KRT6B: variants seen among roughly 807,000 people sequenced by gnomAD.
The protein encoded by KRT6B is keratin, type II cytoskeletal 6B.
KRT6B carries 29 observed loss-of-function variants against 44.7 expected under a neutral mutation model. The observed-to-expected ratio is 0.65, with a 90% CI of 0.48 to 0.88. The LOEUF (loss-of-function observed/expected upper bound fraction) is 0.88. KRT6B is among the 40% of genes least tolerant of loss of function. The pLI, the probability that KRT6B is intolerant of heterozygous loss-of-function variation, is 0.00. For missense variants in KRT6B, 600 were observed against 724.0 expected (o/e 0.83, Z 1.97); for synonymous variants, 213 against 296.0 (o/e 0.72, Z 2.88).
At chr12:52,449,945 G>A in intron 3 of KRT6B, 67 bp downstream of exon 3, 1 of 1,567,882 alleles carries the variant, frequency 6.4e-7, no homozygotes, top group Non-Finnish European at 8.7e-7. Flanking sequence ...CTCTCCCAGG[G>A]GAGCGAGGAC....
Position 52,448,870 on chromosome 12 carries a change from C to G in KRT6B, c.1175G>C (p.Arg392Thr). 4 of 1,614,110 alleles carry G rather than the reference C, an allele frequency of 2.5e-6. No individual in the cohort carries two copies. The highest frequency in any genetic ancestry group is 3.4e-6 in the Non-Finnish European group (4 of 1,180,024). The change falls in exon 6 of 9, where the codon AGA becomes ACA. Residue 392 changes from arginine to threonine, a missense_variant. By Grantham distance (71) the Arg-to-Thr change is moderately conservative (BLOSUM62 -1). Transcript: ENST00000252252. Reference sequence around the variant, plus strand: ...CTTCTTGACGTGGTCGATCTCAGATCTCAGCCTCTGGATCATGCGGTTGAT... The same window carrying G: ...CTTCTTGACGTGGTCGATCTCAGATGTCAGCCTCTGGATCATGCGGTTGAT... The part of the protein sequence containing the change: ...AEINRMIQRL[R>T]SEIDHVKKQC...
rs140188440 is a variant in KRT6B at position 52,447,319 on chromosome 12, G to C, written c.1566C>G (p.Gly522=). ...GSSYSYGSGL[G]VGGGFSSSSG... The stretch of plus-strand genomic sequence containing the variant: ...TGCTGGAACTAAAGCCGCCTCCAAC[G>C]CCAAGACCACTGCCATAGGAGTAGC... Residue 522 remains glycine, a synonymous_variant, in exon 9 of 9, where the codon GGC becomes GGG. Transcript: ENST00000252252. 2.5e-6 allele frequency: 4 copies of C among 1,613,916 alleles called. No individual in the cohort carries two copies. The highest frequency in any genetic ancestry group is 2.7e-5 in the African/African-American group (2 of 74,930).
chr12:52,450,463 C>T lies in KRT6B; in HGVS notation c.698G>A (p.Gly233Asp), dbSNP rs538724780. The T allele has an allele frequency of 6.4e-5, 104 of 1,614,100 alleles. No homozygotes were observed. In the South Asian group the frequency reaches 1.1e-3, roughly 17 times the overall value. The change falls in exon 2 of 9, where the codon GGT (glycine) becomes GAT (aspartate). Residue 233 changes from glycine (G) to aspartate (D), a missense_variant. Transcript: ENST00000252252. ...GTTTCTCAGCTCCGAGTCCAGACGA[C>T]CCCGTTCCCCCACGATGTTGTCCAG... ...RQLDNIVGER[G>D]RLDSELRNMQ...
chr12:52,447,501 T>A, intron 8 of KRT6B, 38 bp downstream of exon 8: 1 of 1,613,496 alleles, frequency 6.2e-7, no homozygotes, highest in Non-Finnish European at 8.5e-7. Flanking sequence ...GTCAGGAGAG[T>A]GCAAGGGCAG....
At chr12:52,450,098 A>T in intron 2 of KRT6B, 26 bp from the exon 3 acceptor site, 1 of 1,613,984 alleles carries the variant, frequency 6.2e-7, no homozygotes. Flanking sequence ...CATGGGACAC[A>T]TTTGAGCCAG....
At position 52,446,716 on chromosome 12, in the gene KRT6B, C is replaced by G. The variant is rs1385936120; in HGVS notation, c.*474G>C. On this transcript the variant is annotated 3_prime_UTR_variant, in exon 9 of 9. Coordinates refer to ENST00000252252, the MANE Select transcript of KRT6B (RefSeq NM_005555.4). ...GGCAAAGAGAGCAGAGAAAGCAGTG[C>G]AGGAATGCAGACTGCATCAGAAGGT... is the stretch of plus-strand genomic sequence containing the variant. 1 of 191,220 alleles carries G rather than the reference C, an allele frequency of 5.2e-6. No homozygotes were observed. Among genetic ancestry groups the G allele is most frequent in the African/African-American group, 2.3e-5 (1 of 42,656 alleles). 11.8% of individuals were successfully genotyped at this position (191,220 alleles called of 1,614,324 possible).
rs1368521063 is a variant in KRT6B, at chr12:52,447,991, T to C, written c.1211A>G (p.Asn404Ser). The C allele has an allele frequency of 1.1e-5, 17 of 1,614,022 alleles. No individual in the cohort carries two copies. The highest frequency in any genetic ancestry group is 4.0e-5 in the African/African-American group (3 of 74,918). The change falls in exon 7 of 9, where the codon AAC becomes AGC. Residue 404 changes from asparagine (N) to serine (S), a missense_variant. Around this residue, in one of 4 missense-constraint regions of KRT6B, gnomAD observed 479 missense variants for 454.2 expected, o/e 1.05. Transcript: ENST00000252252. ...AGCATCAGCAATGGCGGCCTGTAGG[T>C]TGGCACACTAGGAGGGCAAAGGAAG... ...EIDHVKKQCA[N>S]LQAAIADAEQ... is the part of the protein sequence containing the mutation.
At chr12:52,451,337 G>A (rs1208287059) in intron 1 of KRT6B, among the ~76,000 whole-genome samples, 2 of 147,040 alleles carry the variant, frequency 1.4e-5, no homozygotes, top group African/African-American at 2.6e-5. Flanking sequence ...CCCTAGGCAG[G>A]AGTGAGGGCC....
At position 52,449,469 on chromosome 12, in the gene KRT6B, C is replaced by G. The variant is rs1436867001; in HGVS notation, c.1077G>C (p.Lys359Asn). The G allele has an allele frequency of 1.9e-6, 3 of 1,614,074 alleles. No individual in the cohort carries two copies. Among genetic ancestry groups the G allele is most frequent in the Non-Finnish European group, 2.5e-6 (3 of 1,180,050 alleles). ...RAEAESWYQT[K>N]YEELQITAGR... ...CAGCGGCTGTCCACTCCGTGCTCAC[C>G]TTTGTCTGGTACCAGGACTCAGCCT... Residue 359 changes from lysine (K) to asparagine (N), a missense_variant and splice_region_variant, in exon 5 of 9, where the codon AAG becomes AAC. Lys to Asn is a moderately conservative substitution (Grantham distance 94). Around this residue, in one of 4 missense-constraint regions of KRT6B, gnomAD observed 479 missense variants for 454.2 expected, o/e 1.05. Transcript: ENST00000252252.
In KRT6B at chr12:52,447,949, A is replaced by T. The variant is rs1009402435; in HGVS notation, c.1253T>A (p.Met418Lys). The T allele has an allele frequency of 1.2e-6, 2 of 1,614,140 alleles. No homozygotes were observed. Among genetic ancestry groups the T allele is most frequent in the Non-Finnish European group, 1.7e-6 (2 of 1,180,028 alleles). The stretch of plus-strand genomic sequence containing the variant: ...CTTGTTCTTAGCATCCTTGAGGGCC[A>T]TCTCCCCACGCTGCTCAGCATCAGC... Reference protein sequence around the residue: ...AIADAEQRGEMALKDAKNKLE... With the variant: ...AIADAEQRGEKALKDAKNKLE... The change falls in exon 7 of 9, where the codon ATG (methionine) becomes AAG (lysine). Residue 418 changes from methionine to lysine, a missense_variant. Physicochemically the swap from Met to Lys is moderately conservative, Grantham distance 95 (BLOSUM62 -1). Around this residue, in one of 4 missense-constraint regions of KRT6B, gnomAD observed 479 missense variants for 454.2 expected, o/e 1.05. Coordinates refer to ENST00000252252, the MANE Select transcript of KRT6B (RefSeq NM_005555.4).
chr12:52,447,513 G>A (rs1361647445), intron 8 of KRT6B, 26 bp downstream of exon 8: 2 of 1,613,954 alleles, frequency 1.2e-6, no homozygotes, highest in African/African-American at 2.7e-5. Context: ...CAAGGGCAGG[G>A]GAGGAAGGCA....
At chr12:52,450,725 C>T in intron 1 of KRT6B, 105 bp from the exon 2 acceptor site, 2 of 1,535,754 alleles carry the variant, frequency 1.3e-6, no homozygotes, top group South Asian at 1.2e-5. Context: ...TGCTGGGCTA[C>T]TACAGTGCAT....
chr12:52,450,301 G>T, intron 2 of KRT6B, 105 bp downstream of exon 2: 4 of 1,474,114 alleles, frequency 2.7e-6, no homozygotes, highest in Middle Eastern at 1.7e-4. Flanking sequence ...GGACTAATTT[G>T]TGCTTTTCAT....
chr12:52,447,283 G>A lies in KRT6B; in HGVS notation c.1602C>T (p.Ala534=), dbSNP rs1282134894. 1.2e-6 allele frequency: 2 copies of A among 1,614,028 alleles called. No individual in the cohort carries two copies. Among genetic ancestry groups the A allele is most frequent in the Non-Finnish European group, 1.7e-6 (2 of 1,179,878 alleles). ...CAACAGAGCTGAGGCCACCCCCAGT[G>A]GCTCTGCCGCTGCTGGAACTAAAGC... ...GGGFSSSSGR[A]TGGGLSSVGG... The change falls in exon 9 of 9, where the codon GCC becomes GCT. Residue 534 remains alanine, a synonymous_variant. Coordinates refer to ENST00000252252, the MANE Select transcript of KRT6B (RefSeq NM_005555.4).
intron 1 of KRT6B, 130 bp from the exon 2 acceptor site, chr12:52,450,750 G>C (rs1457848864): frequency 2.9e-6 from 4 of 1,392,182 alleles, no homozygotes; most frequent in African/African-American, 2.9e-5. Context: ...AGAGGCTCAG[G>C]CTGAGCTCTG....
rs138933209 is a variant in KRT6B at position 52,447,220 on chromosome 12, G to A, written c.1665C>T (p.Ser555=). ...GCTTGTAGCTCTTCCTGCTGGAGGA[G>A]GAGGTGGTGGTGTACTTGATGGTGG... ...GSSTIKYTTT[S]SSSRKSYKH The change falls in exon 9 of 9, where the codon TCC becomes TCT. Residue 555 remains serine, a synonymous_variant. Transcript: ENST00000252252. 324 of 1,614,094 alleles carry A rather than the reference G, an allele frequency of 2.0e-4. No individual in the cohort carries two copies. The Middle Eastern group carries it at 6.4e-3, about 32-fold the overall frequency.
Position 52,452,117 on chromosome 12 carries a change from G to A in KRT6B, c.-39C>T, listed in dbSNP as rs1855671336. 1 of 1,613,860 alleles carries A rather than the reference G, an allele frequency of 6.2e-7. No individual in the cohort carries two copies. Among genetic ancestry groups the A allele is most frequent in the Admixed American group, 1.7e-5 (1 of 59,978 alleles). On this transcript the variant is annotated 5_prime_UTR_variant, in exon 1 of 9. Transcript: ENST00000252252. ...GAGAGGGCTTAGGAGAGTGTGAGAG[G>A]CTGGAGGCGAGAGGGAGGAGAAGCA...
chr12:52,449,921 T>G, intron 3 of KRT6B, 68 bp from the exon 4 acceptor site: 1 of 1,613,902 alleles, frequency 6.2e-7, no homozygotes, highest in Non-Finnish European at 8.5e-7. Flanking sequence ...CTTCTAGTCC[T>G]CCTGCCAATT....
chr12:52,447,384 T>G lies in KRT6B; in HGVS notation c.1501A>C (p.Ser501Arg). The G allele has an allele frequency of 6.2e-7, 1 of 1,613,844 alleles. No homozygotes were observed. The highest frequency in any genetic ancestry group is 1.3e-5 in the African/African-American group (1 of 75,028). Residue 501 changes from serine to arginine, a missense_variant, in exon 9 of 9, where the codon AGC becomes CGC. Coordinates refer to ENST00000252252, the MANE Select transcript of KRT6B (RefSeq NM_005555.4). The part of the protein sequence containing the change: ...STVSSGYGGA[S>R]GVGSGLGLGG... ...AGGCCTAAGCCACTGCCGACACCGC[T>G]GGCACCGCCATAGCCACTGGAGACG...
Sources: gnomAD v4.1 joint callset for allele counts (sites outside exome capture counted in the v4.1 genomes callset) on GRCh38, gnomAD v4.1.1 for gene constraint, gnomAD v4.1.1 regional missense constraint, MANE v1.5 for transcripts, NCBI Gene and HGNC (gene_info 2026-07-23, HGNC 2026-07-21) for gene names.